The following GABRA2 variants were observed in gnomAD, a reference collection of about 807,000 sequenced individuals.
The protein encoded by GABRA2 is gamma-aminobutyric acid type A receptor subunit alpha2.
A neutral mutation model predicts 48.7 loss-of-function variants in GABRA2; 16 were observed. The ratio of observed to expected loss-of-function variants is 0.33; its 90% CI spans 0.22 to 0.50. The LOEUF is 0.50. GABRA2 is among the 20% of genes least tolerant of loss of function. The probability of loss-of-function intolerance (pLI) is 0.98; values close to 1 mark genes in which losing one functional copy is unlikely to be tolerated. For synonymous variants in GABRA2, 185 were observed against 184.5 expected (o/e 1.00, Z -0.02); for missense variants, 275 against 535.6 (o/e 0.51, Z 4.80).
intron 7 of GABRA2, among the ~76,000 whole-genome samples, chr4:46,304,985 A>T (rs1726412853): frequency 6.6e-6 from 1 of 151,860 alleles, no homozygotes; most frequent in African/African-American, 2.4e-5. Flanking sequence ...CTACTCTGAG[A>T]AGACACATAT....
At chr4:46,293,856 T>G (rs913955819) in intron 8 of GABRA2, among the ~76,000 whole-genome samples, 3 of 152,156 alleles carry the variant, frequency 2.0e-5, no homozygotes, top group Non-Finnish European at 2.9e-5. Context: ...AGTCTCCTAT[T>G]TGGCCTGTGC....
Position 46,245,770 on chromosome 4 carries a change from C to T in GABRA2, c.*4538G>A, listed in dbSNP as rs1243119559. Among the ~76,000 whole-genome samples the T allele has an allele frequency of 6.6e-6, 1 of 151,156 alleles. No homozygotes were observed. Among genetic ancestry groups the T allele is most frequent in the Non-Finnish European group, 1.5e-5 (1 of 67,396 alleles). The stretch of plus-strand genomic sequence containing the variant: ...GACCCTATTAAAAGATCTTTGGGAA[C>T]ATTACTGTAAGCTGAAACATAAACC... On this transcript the variant is annotated 3_prime_UTR_variant, in exon 10 of 10. Coordinates refer to ENST00000381620, the MANE Select transcript of GABRA2 (RefSeq NM_000807.4).
chr4:46,266,334 A>C (rs1343640536), intron 8 of GABRA2, among the ~76,000 whole-genome samples: 1 of 147,968 alleles, frequency 6.8e-6, no homozygotes, highest in East Asian at 1.9e-4. Context: ...ATATAAAATA[A>C]ATTTATAAAT....
At position 46,347,422 on chromosome 4, in the gene GABRA2, G is replaced by A. The variant is rs568743285; in HGVS notation, c.188-14740C>T. On this transcript the variant is annotated intron_variant, in intron 3 of 9. Coordinates refer to ENST00000381620, the MANE Select transcript of GABRA2 (RefSeq NM_000807.4). ...ATCAACCAATGGAATAGGATAGAAA[G>A]CACAGAAATAAACCCACATATCCAA... 2.6e-5 allele frequency among the ~76,000 whole-genome samples: 4 copies of A among 151,898 alleles called. No individual in the cohort carries two copies. In the South Asian group the frequency reaches 6.2e-4, roughly 24 times the overall value.
chr4:46,366,588 G>GTCTGC (rs1487772685), intron 3 of GABRA2: 1 of 152,076 alleles, frequency 6.6e-6, no homozygotes. Context: ...CAAGTAATTG[G>GTCTGC]TCTGCGGCTC....
intron 3 of GABRA2, among the ~76,000 whole-genome samples, chr4:46,385,649 C>T (rs1175026412): frequency 6.6e-6 from 1 of 151,978 alleles, no homozygotes; most frequent in Non-Finnish European, 1.5e-5. Flanking sequence ...CGTTAAAATA[C>T]AACCACTATA....
intron 3 of GABRA2, among the ~76,000 whole-genome samples, chr4:46,382,803 A>G (rs554553748): frequency 6.6e-6 from 1 of 152,260 alleles, no homozygotes; most frequent in East Asian, 1.9e-4. Context: ...GGTGAAAAGA[A>G]CAATTTTTCT....
chr4:46,324,969 C>T (rs537218659), intron 4 of GABRA2, among the ~76,000 whole-genome samples: 11 of 151,976 alleles, frequency 7.2e-5, no homozygotes, highest in African/African-American at 2.2e-4. Flanking sequence ...AGTCCACCAC[C>T]GATGGGCATC....
At chr4:46,274,434 C>T (rs1720090930) in intron 8 of GABRA2, among the ~76,000 whole-genome samples, 1 of 151,986 alleles carries the variant, frequency 6.6e-6, no homozygotes, top group Non-Finnish European at 1.5e-5. Context: ...GGTGAAGTTG[C>T]TAAGATCTTT....
chr4:46,298,974 A>T (rs1017120576), intron 8 of GABRA2, among the ~76,000 whole-genome samples: 2 of 151,186 alleles, frequency 1.3e-5, no homozygotes, highest in African/African-American at 4.8e-5. Context: ...CTTTTAAAAG[A>T]TCATATATTA....
At chr4:46,338,290 A>G (rs1421133976) in intron 3 of GABRA2, among the ~76,000 whole-genome samples, 1 of 151,462 alleles carries the variant, frequency 6.6e-6, no homozygotes, top group Non-Finnish European at 1.5e-5. Context: ...AACTCTAGGA[A>G]AATGTTCTCC....
At chr4:46,354,648 A>T (rs1293386873) in intron 3 of GABRA2, among the ~76,000 whole-genome samples, 2 of 152,084 alleles carry the variant, frequency 1.3e-5, no homozygotes, top group Non-Finnish European at 2.9e-5. Flanking sequence ...TAAATTCATC[A>T]TTTTAAAATG....
chr4:46,353,170 C>G (rs551651283), intron 3 of GABRA2, among the ~76,000 whole-genome samples: 65 of 152,142 alleles, frequency 4.3e-4, no homozygotes, highest in Non-Finnish European at 8.1e-4. Flanking sequence ...AAGCCAAAGC[C>G]TTGTAATTAT....
intron 8 of GABRA2, among the ~76,000 whole-genome samples, chr4:46,298,729 C>T (rs1348109978): frequency 6.6e-6 from 1 of 151,842 alleles, no homozygotes; most frequent in Admixed American, 6.6e-5. Context: ...ATGATATAGG[C>T]ATTTATAAAA....
intron 8 of GABRA2, among the ~76,000 whole-genome samples, chr4:46,295,186 G>A (rs1252292927): frequency 2.6e-5 from 4 of 152,326 alleles, no homozygotes; most frequent in East Asian, 3.9e-4. Context: ...CCTGAAGGAC[G>A]GCAGAGAAGG....
intron 8 of GABRA2, 40 bp downstream of exon 8, chr4:46,303,420 A>G (rs1450582120): frequency 6.4e-7 from 1 of 1,550,552 alleles, no homozygotes; most frequent in South Asian, 1.1e-5. Flanking sequence ...GTATGCTATG[A>G]AACATAATGT....
intron 4 of GABRA2, among the ~76,000 whole-genome samples, chr4:46,329,373 G>A (rs1455969099): frequency 6.6e-6 from 1 of 152,096 alleles, no homozygotes; most frequent in Non-Finnish European, 1.5e-5. Flanking sequence ...CAGCTGCATT[G>A]TCATTTTTTG....
chr4:46,345,655 G>A (rs749800917), intron 3 of GABRA2, among the ~76,000 whole-genome samples: 2 of 151,750 alleles, frequency 1.3e-5, no homozygotes, highest in African/African-American at 2.4e-5. Flanking sequence ...TTGCATTGAC[G>A]TTCTTTCCTA....
Position 46,390,110 on chromosome 4 carries a change from G to C in GABRA2, c.-386C>G. 1.0e-6 allele frequency: 1 copy of C among 975,090 alleles called. No individual in the cohort carries two copies. Among genetic ancestry groups the C allele is most frequent in the Non-Finnish European group, 1.2e-6 (1 of 820,910 alleles). 60.4% of individuals were successfully genotyped at this position (975,090 alleles called of 1,614,324 possible). ...AGGCGCGGTGCGCGCCGGCGGTGGC[G>C]GGCACGAGCCCCGCGCCTGGAGGAG... On this transcript the variant is annotated 5_prime_UTR_variant, in exon 1 of 10. Coordinates refer to ENST00000381620, the MANE Select transcript of GABRA2 (RefSeq NM_000807.4).
Sources: gnomAD v4.1 joint callset for allele counts (sites outside exome capture counted in the v4.1 genomes callset) on GRCh38, gnomAD v4.1.1 for gene constraint, MANE v1.5 for transcripts, NCBI Gene and HGNC (gene_info 2026-07-23, HGNC 2026-07-21) for gene names.